PKHD1L1: variants seen among roughly 807,000 people sequenced by gnomAD.
PKHD1L1 encodes PKHD1 like 1.
A neutral mutation model predicts 462.9 loss-of-function variants in PKHD1L1; 434 were observed. The ratio of observed to expected loss-of-function variants is 0.94; its 90% confidence interval spans 0.87 to 1.02. The LOEUF is 1.02. Ranked by LOEUF, PKHD1L1 falls within the 50% of genes least tolerant of loss-of-function variation. PKHD1L1 has a pLI of 0.00. For synonymous variants in PKHD1L1, 1,781 were observed against 1,750.0 expected (o/e 1.02, Z -0.44); for missense variants, 5,202 against 5,096.1 (o/e 1.02, Z -0.63).
intron 40 of PKHD1L1, among the ~76,000 whole-genome samples, chr8:109,449,822 G>A (rs1816381133): frequency 6.6e-6 from 1 of 152,102 alleles, no homozygotes; most frequent in Non-Finnish European, 1.5e-5. Context: ...TTCATTAATG[G>A]CTATGAGTAT....
chr8:109,434,097 C>A (rs562446456), intron 28 of PKHD1L1, among the ~76,000 whole-genome samples: 35 of 151,818 alleles, frequency 2.3e-4, no homozygotes, highest in Admixed American at 1.3e-3. Context: ...CAGGGCCTGT[C>A]GAGGGGTTGG....
At position 109,491,044 on chromosome 8, in the gene PKHD1L1, T is replaced by C; in HGVS notation, c.10057T>C (p.Phe3353Leu). The C allele has an allele frequency of 6.2e-7, 1 of 1,610,164 alleles. No individual in the cohort carries two copies. The highest frequency in any genetic ancestry group is 1.3e-5 in the African/African-American group (1 of 74,874). Residue 3353 changes from phenylalanine to leucine, a missense_variant, in exon 61 of 78, where the codon TTT (phenylalanine) becomes CTT (leucine). Phe to Leu is a conservative substitution (Grantham distance 22). Coordinates refer to ENST00000378402, the MANE Select transcript of PKHD1L1 (RefSeq NM_177531.6). ...HHGFSPAIGV[F>L]GTDGLDIDDN... Reference sequence around the variant, plus strand: ...TGGCTTCTCTCCAGCAATTGGTGTATTTGGGACAGATGGATTGGACATAGA... The same window carrying C: ...TGGCTTCTCTCCAGCAATTGGTGTACTTGGGACAGATGGATTGGACATAGA...
chr8:109,421,643 G>T (rs1284783143), intron 23 of PKHD1L1, among the ~76,000 whole-genome samples: 1 of 152,160 alleles, frequency 6.6e-6, no homozygotes, highest in African/African-American at 2.4e-5. Context: ...AATTAGCCGG[G>T]CGTGGTGGCG....
intron 40 of PKHD1L1, 26 bp from the exon 41 acceptor site, chr8:109,450,949 C>A (rs368727278): frequency 6.4e-6 from 10 of 1,569,438 alleles, no homozygotes; most frequent in East Asian, 2.3e-5. Flanking sequence ...GGCAGAACTG[C>A]ATTCAGTCTG....
At chr8:109,487,399 T>A (rs956579365) in intron 59 of PKHD1L1, among the ~76,000 whole-genome samples, 7 of 151,900 alleles carry the variant, frequency 4.6e-5, no homozygotes, top group Admixed American at 1.3e-4. Flanking sequence ...TAATTTCTTA[T>A]CATCAAATGA....
intron 28 of PKHD1L1, among the ~76,000 whole-genome samples, 166 bp downstream of exon 28, chr8:109,433,382 T>A (rs184493206): frequency 7.0e-4 from 106 of 152,374 alleles, no homozygotes; most frequent in African/African-American, 2.0e-3. Context: ...GTCTATATAA[T>A]GCCTTATCTT....
Position 109,441,377 on chromosome 8 carries a change from C to T in PKHD1L1, c.4202C>T (p.Ser1401Leu). Reference protein sequence around the residue: ...IFRITNNGKDSVHGLGYAWSP... With the variant: ...IFRITNNGKDLVHGLGYAWSP... ...AGGATTACCAACAATGGGAAAGATT[C>T]AGGTATCAGCCATTTATATACTATG... is the stretch of plus-strand genomic sequence containing the variant. The change falls in exon 34 of 78, where the codon TCA becomes TTA. Residue 1401 changes from serine (S) to leucine (L), a missense_variant and splice_region_variant. Ser to Leu is a moderately radical substitution (Grantham distance 145, BLOSUM62 -2). Transcript: ENST00000378402. 6.6e-7 allele frequency: 1 copy of T among 1,511,662 alleles called. No individual in the cohort carries two copies. Among genetic ancestry groups the T allele is most frequent in the Non-Finnish European group, 9.1e-7 (1 of 1,102,598 alleles). The allele number at this position is 1,511,662 out of a possible 1,614,324, so 93.6% of individuals were successfully genotyped here. A position where few individuals can be genotyped will look rare whatever the true frequency, so the allele number is the denominator to read the frequency against.
At chr8:109,505,464 T>C (rs773000301) in intron 68 of PKHD1L1, among the ~76,000 whole-genome samples, 1 of 152,176 alleles carries the variant, frequency 6.6e-6, no homozygotes, top group African/African-American at 2.4e-5. Flanking sequence ...GAATAATATA[T>C]CTAATAATTC....
chr8:109,434,397 G>A (rs1355525391), intron 28 of PKHD1L1, among the ~76,000 whole-genome samples: 1 of 151,182 alleles, frequency 6.6e-6, no homozygotes, highest in Admixed American at 6.6e-5. Flanking sequence ...AAAAAAGTAA[G>A]AAAATGTTTT....
chr8:109,512,089 A>C (rs1477558405), intron 71 of PKHD1L1, among the ~76,000 whole-genome samples: 1 of 151,768 alleles, frequency 6.6e-6, no homozygotes, highest in Non-Finnish European at 1.5e-5. Context: ...TAGATTCTGG[A>C]TATTAGCCCT....
In PKHD1L1 at chr8:109,508,172, T is replaced by A. The variant is rs1021438335; in HGVS notation, c.11303T>A (p.Met3768Lys). 1.2e-6 allele frequency: 2 copies of A among 1,613,168 alleles called. No individual in the cohort carries two copies. The highest frequency in any genetic ancestry group is 1.7e-6 in the Non-Finnish European group (2 of 1,179,386). ...CAGTGCTTTGGGATGGAATATGCAATGATGGTTATTGAAAGTCTGGATCCT... is the reference window on the plus strand; with the variant it reads ...CAGTGCTTTGGGATGGAATATGCAAAGATGGTTATTGAAAGTCTGGATCCT... ...SYQCFGMEYA[M>K]MVIESLDPDT... Residue 3768 changes from methionine (M) to lysine (K), a missense_variant, in exon 70 of 78, where the codon ATG (methionine) becomes AAG (lysine). Met to Lys is a moderately conservative substitution (Grantham distance 95). Coordinates refer to ENST00000378402, the MANE Select transcript of PKHD1L1 (RefSeq NM_177531.6).
At chr8:109,471,687 C>A (rs530247362) in intron 50 of PKHD1L1, among the ~76,000 whole-genome samples, 3 of 152,184 alleles carry the variant, frequency 2.0e-5, no homozygotes, top group East Asian at 1.9e-4. Context: ...ATTTAGACAG[C>A]CTTTATTGTA....
At position 109,404,622 on chromosome 8, in the gene PKHD1L1, A is replaced by G. The variant is rs561436144; in HGVS notation, c.1442A>G (p.Tyr481Cys). ...TTTGTTGATGTTGGACTGTACCAGT[A>G]TCGAAATGTTTATACTGAACAACAA... ...SAFVDVGLYQ[Y>C]RNVYTEQQTG... The change falls in exon 15 of 78, where the codon TAT (tyrosine) becomes TGT (cysteine). Residue 481 changes from tyrosine to cysteine, a missense_variant. Physicochemically the swap from Tyr to Cys is radical, Grantham distance 194. Coordinates refer to ENST00000378402, the MANE Select transcript of PKHD1L1 (RefSeq NM_177531.6). 161 of 1,608,380 alleles carry G rather than the reference A, an allele frequency of 1.0e-4. 2 individuals are homozygous for G. The highest frequency in any genetic ancestry group is 8.2e-4 in the Middle Eastern group (5 of 6,062).
intron 46 of PKHD1L1, among the ~76,000 whole-genome samples, chr8:109,458,847 A>C (rs1033659492): frequency 1.3e-5 from 2 of 152,126 alleles, no homozygotes; most frequent in Non-Finnish European, 2.9e-5. Flanking sequence ...AATCAGGGAA[A>C]CTTTCTACTT....
In PKHD1L1 at chr8:109,441,174, G is replaced by A. The variant is rs1445661647; in HGVS notation, c.4100-101G>A. The A allele has an allele frequency of 5.0e-6, 4 of 797,286 alleles. No individual in the cohort carries two copies. The African/African-American group carries it at 5.3e-5, about 11-fold the overall frequency. 49.4% of individuals were successfully genotyped at this position (797,286 alleles called of 1,614,324 possible). A position where few individuals can be genotyped will look rare whatever the true frequency, so the allele number is the denominator to read the frequency against. ...TATATAAGGCAGAGTTTTTTTTAGG[G>A]TCTTGGCTGTTGATGAATTATGCTT... is the stretch of plus-strand genomic sequence containing the variant. On this transcript the variant is annotated intron_variant, in intron 33 of 77. Transcript: ENST00000378402.
Position 109,532,229 on chromosome 8 carries a change from G to A in PKHD1L1, c.*2139G>A, listed in dbSNP as rs1157659736. On this transcript the variant is annotated 3_prime_UTR_variant, in exon 78 of 78. Transcript: ENST00000378402. The stretch of plus-strand genomic sequence containing the variant: ...GCAGTAAAAGGAATTTCTAAAAATT[G>A]CTTCTTAGCCACACAGACTTTGTTA... Among the ~76,000 whole-genome samples, 2 of 76,300 alleles carry A rather than the reference G, an allele frequency of 2.6e-5. No homozygotes were observed. The highest frequency in any genetic ancestry group is 2.2e-4 in the Admixed American group (2 of 8,988). The allele number at this position is 76,300 out of a possible 152,430, so 50.1% of individuals were successfully genotyped here. A position where few individuals can be genotyped will look rare whatever the true frequency, so the allele number is the denominator to read the frequency against.
At chr8:109,497,089 G>A (rs755485196) in intron 64 of PKHD1L1, 22 bp downstream of exon 64, 5 of 1,612,574 alleles carry the variant, frequency 3.1e-6, no homozygotes, top group Non-Finnish European at 4.2e-6. Context: ...TAAAGATGGT[G>A]ATTGTTTATT....
intron 30 of PKHD1L1, among the ~76,000 whole-genome samples, chr8:109,437,481 T>C (rs1815490981): frequency 6.8e-6 from 1 of 146,774 alleles, no homozygotes; most frequent in Non-Finnish European, 1.5e-5. Context: ...CTCCTAATGC[T>C]ATCCCTCCCC....
In PKHD1L1 at chr8:109,464,163, T is replaced by C. The variant is rs545012379; in HGVS notation, c.7384-53T>C. ...AGATATTTTTTGAAACAAGAAAATA[T>C]GAGCTCAACATCTGAGCTATTACTA... On this transcript the variant is annotated intron_variant, in intron 48 of 77. Transcript: ENST00000378402. 26 of 1,208,076 alleles carry C rather than the reference T, an allele frequency of 2.2e-5. No homozygotes were observed. The East Asian group carries it at 2.3e-4, about 11-fold the overall frequency. 74.8% of individuals were successfully genotyped at this position (1,208,076 alleles called of 1,614,324 possible). A position where few individuals can be genotyped will look rare whatever the true frequency, so the allele number is the denominator to read the frequency against.
Sources: allele counts gnomAD v4.1 joint callset (sites outside exome capture counted in the v4.1 genomes callset), GRCh38; gene constraint gnomAD v4.1.1; transcripts MANE v1.5; gene names NCBI Gene and HGNC (gene_info 2026-07-23, HGNC 2026-07-21).